The following RGS8 variants were observed in gnomAD, a reference collection of about 807,000 sequenced individuals.
The protein encoded by RGS8 is regulator of G-protein signaling 8.
A neutral mutation model predicts 21.7 loss-of-function variants in RGS8; 8 were observed. That is an observed-to-expected ratio of 0.37 (90% CI 0.22 to 0.66). The LOEUF is 0.66. Among genes scored for constraint, RGS8 ranks in the 30% least tolerant of loss-of-function variants. The probability of loss-of-function intolerance (pLI) is 0.59; values close to 1 mark genes in which losing one functional copy is unlikely to be tolerated. For synonymous variants in RGS8, 80 were observed against 83.6 expected (o/e 0.96, Z 0.24); for missense variants, 157 against 217.9 (o/e 0.72, Z 1.76).
chr1:182,720,852 C>CAT, the RGS8 span, among the ~76,000 whole-genome samples: 5 of 146,872 alleles, frequency 3.4e-5, no homozygotes, highest in East Asian at 7.9e-4. Context: ...TGTGTGTATA[C>CAT]ATATATATAC....
At chr1:182,694,753 A>C in the RGS8 span, among the ~76,000 whole-genome samples, 1 of 151,962 alleles carries the variant, frequency 6.6e-6, no homozygotes, top group African/African-American at 2.4e-5. Flanking sequence ...GGTTGCAGTG[A>C]ACCGAGATAG....
At chr1:182,723,750 C>T in the RGS8 span, among the ~76,000 whole-genome samples, 1 of 152,184 alleles carries the variant, frequency 6.6e-6, no homozygotes, top group South Asian at 2.1e-4. Context: ...TACATCATGG[C>T]AGCAATTTTT....
At chr1:182,716,583 C>A in the RGS8 span, among the ~76,000 whole-genome samples, 1 of 151,532 alleles carries the variant, frequency 6.6e-6, no homozygotes, top group South Asian at 2.1e-4. Flanking sequence ...TCAAATGATT[C>A]TTTGAGGTAG....
At chr1:182,683,292 G>A (rs930612371) in intron 1 of RGS8, among the ~76,000 whole-genome samples, 12 of 152,162 alleles carry the variant, frequency 7.9e-5, no homozygotes, top group Admixed American at 3.3e-4. Flanking sequence ...CATCATCAGC[G>A]TAATACCATG....
Position 182,666,114 on chromosome 1 carries a change from A to C in RGS8, c.129-81T>G. 4.8e-6 allele frequency: 6 copies of C among 1,259,042 alleles called. 1 individual carries two copies. The South Asian group carries it at 7.4e-5, about 15-fold the overall frequency. 78.0% of individuals were successfully genotyped at this position (1,259,042 alleles called of 1,614,324 possible). ...AACAACCGCTAAGATTTGCTCAAGA[A>C]AACAAATTGGAAAAATGTGGGGAAG... is the stretch of plus-strand genomic sequence containing the variant. On this transcript the variant is annotated intron_variant, in intron 4 of 6. Transcript: ENST00000483095.
At chr1:182,656,425 C>T (rs1164342170) in intron 5 of RGS8, among the ~76,000 whole-genome samples, 1 of 152,176 alleles carries the variant, frequency 6.6e-6, no homozygotes, top group African/African-American at 2.4e-5. Flanking sequence ...CCGTTAGGTG[C>T]CACCAATAAC....
At chr1:182,661,989 G>A (rs1001781026) in intron 5 of RGS8, among the ~76,000 whole-genome samples, 4 of 152,112 alleles carry the variant, frequency 2.6e-5, no homozygotes, top group East Asian at 1.9e-4. Context: ...TTCCTTGTTC[G>A]TTTGTTAGTG....
At chr1:182,672,197 G>A (rs1407746600), upstream of RGS8, 1 of 173,210 alleles carries the variant, frequency 5.8e-6, no homozygotes, top group Non-Finnish European at 1.2e-5. Flanking sequence ...CTCTTCTAAT[G>A]AGCCCCGCTG....
chr1:182,678,416 A>T (rs1273006732), intron 1 of RGS8, among the ~76,000 whole-genome samples: 3 of 152,228 alleles, frequency 2.0e-5, no homozygotes, highest in Non-Finnish European at 4.4e-5. Flanking sequence ...CCTTGAATAA[A>T]TCCATTTTAA....
chr1:182,732,335 T>G, the RGS8 span, among the ~76,000 whole-genome samples: 1 of 151,432 alleles, frequency 6.6e-6, no homozygotes, highest in Non-Finnish European at 1.5e-5. Flanking sequence ...CGCTTAATGC[T>G]CTGAATCCTT....
upstream of RGS8, among the ~76,000 whole-genome samples, chr1:182,674,178 G>A (rs765051911): frequency 6.6e-6 from 1 of 152,102 alleles, no homozygotes; most frequent in Non-Finnish European, 1.5e-5. Context: ...CAAATCTCAC[G>A]CTGCCCCGGC....
intron 6 of RGS8, among the ~76,000 whole-genome samples, chr1:182,647,897 T>C (rs74988506): frequency 0.023 from 3,515 of 152,318 alleles, 133 homozygotes; most frequent in African/African-American, 0.08. Flanking sequence ...AGCAACACAG[T>C]TCCTGCTAGC....
At chr1:182,732,543 T>G in the RGS8 span, among the ~76,000 whole-genome samples, 1 of 152,208 alleles carries the variant, frequency 6.6e-6, no homozygotes, top group Non-Finnish European at 1.5e-5. Flanking sequence ...ATTTCATCAA[T>G]AGAATTTAAA....
At chr1:182,689,764 T>C in the RGS8 span, among the ~76,000 whole-genome samples, 2 of 152,158 alleles carry the variant, frequency 1.3e-5, no homozygotes, top group African/African-American at 4.8e-5. Context: ...ACAATTTATA[T>C]ATAGAGCCAT....
At position 182,646,927 on chromosome 1, in the gene RGS8, C is replaced by A. The variant is rs1233358183; in HGVS notation, c.361-10G>T. The A allele has an allele frequency of 1.2e-6, 2 of 1,610,260 alleles. No homozygotes were observed. The highest frequency in any genetic ancestry group is 1.7e-5 in the Admixed American group (1 of 59,440). ...GGAAGTCAATGTTTACCTAGAGATA[C>A]AAACAGAGAGCAAGGTCACAGGCCC... On this transcript the variant is annotated splice_polypyrimidine_tract_variant and intron_variant, in intron 6 of 6. Transcript: ENST00000483095.
At chr1:182,650,437 G>A (rs1367217485) in intron 5 of RGS8, among the ~76,000 whole-genome samples, 2 of 152,168 alleles carry the variant, frequency 1.3e-5, no homozygotes, top group Non-Finnish European at 2.9e-5. Flanking sequence ...TACTAGAACA[G>A]TATCAAAAAA....
At chr1:182,730,900 A>T in the RGS8 span, among the ~76,000 whole-genome samples, 9 of 152,158 alleles carry the variant, frequency 5.9e-5, no homozygotes, top group African/African-American at 2.2e-4. Flanking sequence ...TTTAACCGGC[A>T]CTGTAAACAA....
At chr1:182,683,124 TAC>T (rs1396090994) in intron 1 of RGS8, among the ~76,000 whole-genome samples, 2 of 152,214 alleles carry the variant, frequency 1.3e-5, no homozygotes, top group African/African-American at 4.8e-5. Flanking sequence ...TGGGCCACAC[TAC>T]ACACTCTACT....
intron 5 of RGS8, among the ~76,000 whole-genome samples, chr1:182,663,040 G>C (rs909373393): frequency 7.9e-5 from 12 of 152,100 alleles, no homozygotes; most frequent in Non-Finnish European, 1.8e-4. Context: ...CCAGGGAGTG[G>C]GTTCTAGACT....
Sources: allele counts gnomAD v4.1 joint callset (sites outside exome capture counted in the v4.1 genomes callset), GRCh38; gene constraint gnomAD v4.1.1; transcripts MANE v1.5; gene names NCBI Gene and HGNC (gene_info 2026-07-23, HGNC 2026-07-21).